FMN1: variants seen among roughly 807,000 people sequenced by gnomAD.
FMN1 encodes formin 1.
Under a neutral mutation model 132.4 loss-of-function variants are expected in FMN1, and 110 were observed. The observed-to-expected ratio is 0.83, with a 90% CI of 0.71 to 0.97. FMN1 has a LOEUF of 0.97. Among genes scored for constraint, FMN1 ranks in the 50% least tolerant of loss-of-function variants. The pLI is 0.00. For missense variants in FMN1, 1,792 were observed against 1,705.3 expected, an observed-to-expected ratio of 1.05 and a Z score of -0.90; for synonymous variants, 722 against 651.7, an observed-to-expected ratio of 1.11 and a Z score of -1.64.
chr15:32,934,098 TTTGA>T (rs546556838), intron 9 of FMN1, among the ~76,000 whole-genome samples: 26 of 152,120 alleles, frequency 1.7e-4, no homozygotes, highest in Non-Finnish European at 3.1e-4. Flanking sequence ...AGTGACTTGC[TTTGA>T]TTCTTTTCTT....
chr15:33,058,310 G>A (rs1026227538), intron 6 of FMN1, among the ~76,000 whole-genome samples: 5 of 152,110 alleles, frequency 3.3e-5, no homozygotes, highest in African/African-American at 4.8e-5. Context: ...ATGGAGTATC[G>A]ACCTCATTCT....
At chr15:33,081,893 C>T (rs2038475416) in intron 5 of FMN1, among the ~76,000 whole-genome samples, 1 of 152,098 alleles carries the variant, frequency 6.6e-6, no homozygotes, top group South Asian at 2.1e-4. Flanking sequence ...GATACAATTA[C>T]TTGGAACGGG....
At chr15:32,870,913 T>C (rs1235321703) in intron 16 of FMN1, among the ~76,000 whole-genome samples, 1 of 152,142 alleles carries the variant, frequency 6.6e-6, no homozygotes, top group Non-Finnish European at 1.5e-5. Context: ...AAGAAAACAT[T>C]GTCAAGAATA....
Position 33,153,676 on chromosome 15 carries a change from G to A in FMN1, c.1239C>T (p.Ala413=), listed in dbSNP as rs1051328047. Residue 413 remains alanine, a synonymous_variant, in exon 4 of 21, where the codon GCC becomes GCT. Coordinates refer to ENST00000616417, the MANE Select transcript of FMN1 (RefSeq NM_001277313.2). ...GGGGGACCTTGTTCACGGCCCCCTC[G>A]GCACTGGCCGACACACTAGAAATGG... ...TASISSVSAS[A]EGAVNKVPLK... The A allele has an allele frequency of 4.6e-6, 7 of 1,536,192 alleles. No individual in the cohort carries two copies. Among genetic ancestry groups the A allele is most frequent in the South Asian group, 1.2e-5 (1 of 84,048 alleles).
intron 16 of FMN1, among the ~76,000 whole-genome samples, chr15:32,880,051 T>TA (rs988115536): frequency 1.5e-5 from 2 of 134,578 alleles, no homozygotes; most frequent in African/African-American, 6.3e-5. Context: ...AAGCTTCTAT[T>TA]GTTTTTTTTT....
At chr15:32,872,935 A>AG (rs1555481183) in intron 16 of FMN1, among the ~76,000 whole-genome samples, 4,318 of 140,054 alleles carry the variant, frequency 0.031, 175 homozygotes, top group African/African-American at 0.098. Context: ...AAGAGAAGAG[A>AG]GGGAAAAAAA....
At chr15:33,017,114 T>C (rs1272856481) in intron 6 of FMN1, among the ~76,000 whole-genome samples, 1 of 150,512 alleles carries the variant, frequency 6.6e-6, no homozygotes, top group African/African-American at 2.5e-5. Context: ...GATGAGGCCG[T>C]ACCCTAGAAC....
At chr15:32,817,079 A>G (rs1356559888) in intron 17 of FMN1, among the ~76,000 whole-genome samples, 2 of 152,248 alleles carry the variant, frequency 1.3e-5, no homozygotes, top group African/African-American at 4.8e-5. Context: ...TCATACCTTG[A>G]CAAAGGAAAT....
intron 9 of FMN1, among the ~76,000 whole-genome samples, chr15:32,952,522 C>G (rs903141111): frequency 1.3e-5 from 2 of 152,150 alleles, no homozygotes; most frequent in African/African-American, 4.8e-5. Context: ...GCTCCAAAAT[C>G]TTTAGAGTCA....
intron 3 of FMN1, among the ~76,000 whole-genome samples, chr15:33,168,858 C>G (rs566450300): frequency 6.6e-6 from 1 of 152,178 alleles, no homozygotes; most frequent in Admixed American, 6.6e-5. Flanking sequence ...AGTGCTAAGA[C>G]GAGATCCTCT....
intron 6 of FMN1, among the ~76,000 whole-genome samples, chr15:33,014,148 G>A (rs1420223778): frequency 6.6e-6 from 1 of 152,216 alleles, no homozygotes; most frequent in East Asian, 1.9e-4. Flanking sequence ...CTTTACTACT[G>A]GCATTGGTGA....
rs148122393 is a variant in FMN1 at position 32,996,682 on chromosome 15, C to G, written c.2223+11332G>C. On this transcript the variant is annotated intron_variant, in intron 7 of 20. Coordinates refer to ENST00000616417, the MANE Select transcript of FMN1 (RefSeq NM_001277313.2). ...TTCCTCCAGGACACAGAGGAAGCTA[C>G]AACAAATTGCAGTGAAATGGTCAAA... 2.0e-5 allele frequency among the ~76,000 whole-genome samples: 3 copies of G among 152,296 alleles called. No homozygotes were observed. The East Asian group carries it at 5.8e-4, about 29-fold the overall frequency.
At chr15:32,936,139 T>G (rs1214008420) in intron 9 of FMN1, among the ~76,000 whole-genome samples, 2 of 152,214 alleles carry the variant, frequency 1.3e-5, no homozygotes, top group African/African-American at 2.4e-5. Context: ...TTCATGTATC[T>G]TTTTCCTGAG....
chr15:33,032,598 G>A (rs546868303), intron 6 of FMN1, among the ~76,000 whole-genome samples: 3 of 152,184 alleles, frequency 2.0e-5, no homozygotes, highest in Admixed American at 2.0e-4. Context: ...ATCATATGTA[G>A]AGGACCATCT....
At chr15:32,977,896 T>TA (rs1356668469) in intron 7 of FMN1, among the ~76,000 whole-genome samples, 6 of 151,610 alleles carry the variant, frequency 4.0e-5, no homozygotes, top group Admixed American at 1.3e-4. Flanking sequence ...AGAGTCTCTG[T>TA]AACCAGGCTG....
At chr15:32,823,168 T>TGTTG (rs771579816) in intron 17 of FMN1, among the ~76,000 whole-genome samples, 1 of 99,150 alleles carries the variant, frequency 1.0e-5, no homozygotes, top group Non-Finnish European at 2.2e-5. Flanking sequence ...TTTTTTTTTT[T>TGTTG]TTTTTTTTTT....
chr15:32,899,295 A>C (rs1226136655), intron 14 of FMN1, among the ~76,000 whole-genome samples: 1 of 152,132 alleles, frequency 6.6e-6, no homozygotes, highest in East Asian at 1.9e-4. Context: ...TGGTGTGAAA[A>C]ACAATCCAGG....
In FMN1 at chr15:33,001,564, C is replaced by G. The variant is rs1200677230; in HGVS notation, c.2223+6450G>C. Among the ~76,000 whole-genome samples the G allele has an allele frequency of 4.4e-5, 5 of 113,650 alleles. No individual in the cohort carries two copies. The East Asian group carries it at 1.3e-3, about 30-fold the overall frequency. 74.6% of individuals were successfully genotyped at this position (113,650 alleles called of 152,430 possible). A position where few individuals can be genotyped will look rare whatever the true frequency, so the allele number is the denominator to read the frequency against. ...CCCCCTCATCCTCCTCCTCCTCCCA[C>G]TTCCCCCCCCACCTCCCCCCATCCT... On this transcript the variant is annotated intron_variant, in intron 7 of 20. Coordinates refer to ENST00000616417, the MANE Select transcript of FMN1 (RefSeq NM_001277313.2).
At chr15:32,886,975 T>G (rs1164479796) in intron 16 of FMN1, among the ~76,000 whole-genome samples, 1 of 152,142 alleles carries the variant, frequency 6.6e-6, no homozygotes, top group Non-Finnish European at 1.5e-5. Flanking sequence ...TTTGTTTGAA[T>G]TCATTCAACC....
Sources: gnomAD v4.1 joint callset for allele counts (sites outside exome capture counted in the v4.1 genomes callset) on GRCh38, gnomAD v4.1.1 for gene constraint, MANE v1.5 for transcripts, NCBI Gene and HGNC (gene_info 2026-07-23, HGNC 2026-07-21) for gene names.